BIN1: variants seen among roughly 807,000 people sequenced by gnomAD.
BIN1 encodes myc box-dependent-interacting protein 1.
BIN1 carries 53 observed loss-of-function variants against 82.0 expected under a neutral mutation model. The ratio of observed to expected loss-of-function variants is 0.65; its 90% CI spans 0.52 to 0.81. The LOEUF is 0.81. Ranked by LOEUF, BIN1 falls within the 40% of genes least tolerant of loss-of-function variation. The pLI, the probability that BIN1 is intolerant of heterozygous loss-of-function variation, is 0.00. For missense variants in BIN1, 642 were observed against 784.4 expected (o/e 0.82, Z 2.17); for synonymous variants, 302 against 328.0 (o/e 0.92, Z 0.86).
intron 10 of BIN1, chr2:127,060,532 C>T (rs971345481): frequency 2.9e-5 from 47 of 1,607,450 alleles, no homozygotes; most frequent in Admixed American, 5.0e-5. Flanking sequence ...GGGCGCAAGG[C>T]GCATGCACAG....
chr2:127,081,245 C>A (rs930990345), intron 1 of BIN1, among the ~76,000 whole-genome samples: 4 of 152,196 alleles, frequency 2.6e-5, no homozygotes, highest in Non-Finnish European at 5.9e-5. Flanking sequence ...CAGCACCCAC[C>A]CACCATGCAC....
chr2:127,068,944 CCTT>C lies in BIN1; in HGVS notation c.496_498del (p.Lys166del), dbSNP rs775374523. On this transcript the variant is annotated inframe_deletion, in exon 6 of 19. Coordinates refer to ENST00000316724, the MANE Select transcript of BIN1 (RefSeq NM_139343.3). The surrounding 1 kb of genome is among the most constrained non-coding windows in gnomAD (Gnocchi z 4.9). ...CTTACCTTGGCAATTTTGGCTTCAT[CCTT>C]CTTTTTGGCAGTTTGAAGGGACTCG... 10 of 1,614,192 alleles carry C rather than the reference CCTT, an allele frequency of 6.2e-6. No homozygotes were observed. In the South Asian group the frequency reaches 8.8e-5, roughly 14 times the overall value.
At chr2:127,048,782 C>T (rs1682499595) in intron 18 of BIN1, 149 bp from the exon 19 acceptor site, 6 of 738,402 alleles carry the variant, frequency 8.1e-6, no homozygotes, top group Middle Eastern at 3.6e-4. Context: ...ACACCTCCTC[C>T]AGGCAGCACT....
intron 9 of BIN1, 129 bp downstream of exon 9, chr2:127,063,442 G>A (rs1684753843): frequency 4.0e-6 from 4 of 1,012,470 alleles, no homozygotes; most frequent in Non-Finnish European, 6.0e-6. Flanking sequence ...CCGGGAGGGA[G>A]CCCTGTGGTC....
At chr2:127,096,235 C>T (rs1247523694) in intron 1 of BIN1, among the ~76,000 whole-genome samples, 1 of 152,208 alleles carries the variant, frequency 6.6e-6, no homozygotes, top group Non-Finnish European at 1.5e-5. Flanking sequence ...GTGAGACCAT[C>T]AGCTCCCAAT....
At chr2:127,102,760 C>G (rs534054132) in intron 1 of BIN1, among the ~76,000 whole-genome samples, 6 of 152,360 alleles carry the variant, frequency 3.9e-5, no homozygotes, top group Non-Finnish European at 5.9e-5. Context: ...GGCCCACCCA[C>G]AGAAGATGCC....
intron 1 of BIN1, among the ~76,000 whole-genome samples, chr2:127,103,199 C>T (rs559283463): frequency 2.6e-5 from 4 of 152,316 alleles, no homozygotes; most frequent in South Asian, 2.1e-4. Context: ...TTACAGGGAC[C>T]ATGCACCCAC....
At chr2:127,102,926 G>C (rs1680541365) in intron 1 of BIN1, among the ~76,000 whole-genome samples, 1 of 152,226 alleles carries the variant, frequency 6.6e-6, no homozygotes, top group Non-Finnish European at 1.5e-5. Context: ...CAGAGAAAAA[G>C]ACAAGACAGT....
At chr2:127,058,545 T>C (rs1166766213) in intron 11 of BIN1, among the ~76,000 whole-genome samples, 3 of 131,970 alleles carry the variant, frequency 2.3e-5, no homozygotes, top group African/African-American at 7.9e-5. Context: ...CACCCTCCTC[T>C]GAGCCCTTCC....
intron 2 of BIN1, among the ~76,000 whole-genome samples, chr2:127,072,213 G>A (rs1685978267): frequency 6.6e-6 from 1 of 152,234 alleles, no homozygotes; most frequent in African/African-American, 2.4e-5. Flanking sequence ...AGGCCAGCAG[G>A]GACCCGGCCA....
Position 127,053,458 on chromosome 2 carries a change from G to C in BIN1, c.1240-13C>G. 1 of 1,613,794 alleles carries C rather than the reference G, an allele frequency of 6.2e-7. No homozygotes were observed. On this transcript the variant is annotated splice_polypyrimidine_tract_variant and intron_variant, in intron 13 of 18. Coordinates refer to ENST00000316724, the MANE Select transcript of BIN1 (RefSeq NM_139343.3). ...CCCATGGAATTGACTGAGCGCAGCA[G>C]TGAGGGCGAGAAGGACAGTTAGCAC...
chr2:127,073,324 C>T (rs966740410), intron 2 of BIN1, among the ~76,000 whole-genome samples: 2 of 152,210 alleles, frequency 1.3e-5, no homozygotes, highest in African/African-American at 2.4e-5. Context: ...TTCCAAGTGG[C>T]TCCCTCAGCC....
At chr2:127,085,748 C>T (rs971290495) in intron 1 of BIN1, among the ~76,000 whole-genome samples, 1 of 152,202 alleles carries the variant, frequency 6.6e-6, no homozygotes, top group Non-Finnish European at 1.5e-5. Flanking sequence ...AGGGCTGCTC[C>T]GAAAGGGGGA....
intron 15 of BIN1, among the ~76,000 whole-genome samples, chr2:127,051,762 C>T (rs925457179): frequency 2.6e-5 from 4 of 151,968 alleles, no homozygotes; most frequent in Admixed American, 6.6e-5. Flanking sequence ...GAATGGGCAC[C>T]GCAGCACGGG....
At chr2:127,069,135 G>A in intron 5 of BIN1, 104 bp from the exon 6 acceptor site, 2 of 1,052,448 alleles carry the variant, frequency 1.9e-6, no homozygotes, top group Non-Finnish European at 2.9e-6. Flanking sequence ...GGAGACCCCA[G>A]CTCCACAGGA....
chr2:127,099,037 G>A (rs1040670501), intron 1 of BIN1, among the ~76,000 whole-genome samples: 2 of 152,192 alleles, frequency 1.3e-5, no homozygotes, highest in African/African-American at 4.8e-5. Flanking sequence ...GGCCGGGGCA[G>A]GGTGGGATCT....
chr2:127,070,936 T>C, intron 2 of BIN1, 120 bp from the exon 3 acceptor site: 1 of 974,512 alleles, frequency 1.0e-6, no homozygotes. Flanking sequence ...CAGCCACTGA[T>C]CAGCTGACCT....
At chr2:127,106,782 T>C in intron 1 of BIN1, 78 bp downstream of exon 1, 1 of 1,509,146 alleles carries the variant, frequency 6.6e-7, no homozygotes. Flanking sequence ...GGCCCCGGGG[T>C]CGGAGGATAG....
chr2:127,058,296 C>T (rs918715026), intron 11 of BIN1, among the ~76,000 whole-genome samples: 6 of 152,168 alleles, frequency 3.9e-5, no homozygotes. Context: ...ATGTCCAGGC[C>T]GGGGGAAGTG....
Sources: gnomAD v4.1 joint callset for allele counts (sites outside exome capture counted in the v4.1 genomes callset) on GRCh38, gnomAD v4.1.1 for gene constraint, Gnocchi (gnomAD v3.1) non-coding constraint, MANE v1.5 for transcripts, NCBI Gene and HGNC (gene_info 2026-07-23, HGNC 2026-07-21) for gene names.